WDR49: variants seen among roughly 807,000 people sequenced by gnomAD.
WDR49 encodes WD repeat domain 49, also known as cilia- and flagella-associated protein 337.
A neutral mutation model predicts 119.5 loss-of-function variants in WDR49; 107 were observed. The ratio of observed to expected loss-of-function variants is 0.90; its 90% CI spans 0.77 to 1.05. The LOEUF (loss-of-function observed/expected upper bound fraction) is 1.05, where lower values mean the gene tolerates loss of function less well. Among genes scored for constraint, WDR49 ranks in the 50% least tolerant of loss-of-function variants. The pLI, the probability that WDR49 is intolerant of heterozygous loss-of-function variation, is 0.00. For missense variants in WDR49, 1,240 were observed against 1,220.5 expected (o/e 1.02, Z -0.24); for synonymous variants, 425 against 418.8 (o/e 1.01, Z -0.18).
chr3:167,605,918 A>C (rs1298929999), intron 5 of WDR49, among the ~76,000 whole-genome samples: 17 of 152,200 alleles, frequency 1.1e-4, no homozygotes, highest in Admixed American at 1.1e-3. Context: ...AATATTATAA[A>C]TCGAAGCTTG....
rs199740982 is a variant in WDR49 at position 167,532,857 on chromosome 3, T to A, written c.2053+22A>T. Reference sequence around the variant, plus strand: ...CTGTGATTTGACTAGCCATGTTATTTTCGTTTCAAACTCACACTTACCTAA... The same window carrying A: ...CTGTGATTTGACTAGCCATGTTATTATCGTTTCAAACTCACACTTACCTAA... On this transcript the variant is annotated intron_variant, in intron 12 of 18. Coordinates refer to ENST00000682715, the MANE Select transcript of WDR49 (RefSeq NM_001366157.1). The A allele has an allele frequency of 6.5e-5, 103 of 1,584,360 alleles. No homozygotes were observed. In the East Asian group the frequency reaches 2.3e-3, roughly 35 times the overall value.
intron 16 of WDR49, among the ~76,000 whole-genome samples, chr3:167,520,369 G>T (rs1009968220): frequency 6.6e-6 from 1 of 151,944 alleles, no homozygotes; most frequent in Non-Finnish European, 1.5e-5. Context: ...GCATGTGATG[G>T]AAAGAAAAAA....
intron 12 of WDR49, among the ~76,000 whole-genome samples, chr3:167,531,651 T>A (rs577269262): frequency 1.3e-5 from 2 of 152,176 alleles, no homozygotes; most frequent in African/African-American, 4.8e-5. Flanking sequence ...GGAAATATTA[T>A]AATGAACATG....
At chr3:167,487,456 G>C (rs1750969180) in intron 18 of WDR49, among the ~76,000 whole-genome samples, 1 of 152,068 alleles carries the variant, frequency 6.6e-6, no homozygotes, top group African/African-American at 2.4e-5. Flanking sequence ...TACCCTTCCT[G>C]ACATCAGCCT....
intron 1 of WDR49, 142 bp from the exon 2 acceptor site, chr3:167,653,641 T>A: frequency 2.1e-6 from 1 of 475,170 alleles, no homozygotes; most frequent in South Asian, 5.2e-5. Context: ...ATTCTAGAGT[T>A]TATTTTCAAA....
chr3:167,520,335 T>C (rs933828545), intron 16 of WDR49, among the ~76,000 whole-genome samples: 14 of 152,094 alleles, frequency 9.2e-5, no homozygotes, highest in African/African-American at 3.4e-4. Context: ...CAGGAATCTG[T>C]AATACTTGCC....
chr3:167,496,648 T>C (rs1223809129), intron 18 of WDR49, among the ~76,000 whole-genome samples: 1 of 152,172 alleles, frequency 6.6e-6, no homozygotes, highest in African/African-American at 2.4e-5. Flanking sequence ...CCCACTTCAA[T>C]GTCAAGATCT....
chr3:167,627,119 C>T lies in WDR49; in HGVS notation c.339G>A (p.Glu113=). ...TTGCTCGTTCATCTTGCTCATAAAG[C>T]TCTAGCAGTATAAATGAAGTCAGCT... is the stretch of plus-strand genomic sequence containing the variant. The part of the protein sequence containing the change: ...WDKLTSFILL[E]LYEQDERAKA... Residue 113 remains glutamate (E), a synonymous_variant, in exon 3 of 19, where the codon GAG becomes GAA. Coordinates refer to ENST00000682715, the MANE Select transcript of WDR49 (RefSeq NM_001366157.1). 7.8e-7 allele frequency: 1 copy of T among 1,280,572 alleles called. No individual in the cohort carries two copies. The highest frequency in any genetic ancestry group is 9.9e-7 in the Non-Finnish European group (1 of 1,013,990). The allele number at this position is 1,280,572 out of a possible 1,614,324, so 79.3% of individuals were successfully genotyped here.
At chr3:167,554,302 A>G (rs1577236191) in intron 10 of WDR49, among the ~76,000 whole-genome samples, 1 of 152,288 alleles carries the variant, frequency 6.6e-6, no homozygotes, top group African/African-American at 2.4e-5. Flanking sequence ...TCATGAGAAA[A>G]GAAGTAATGA....
chr3:167,496,867 T>C (rs1214848256), intron 18 of WDR49, among the ~76,000 whole-genome samples: 1 of 152,160 alleles, frequency 6.6e-6, no homozygotes, highest in Non-Finnish European at 1.5e-5. Context: ...GGTGCATCAG[T>C]ACCCCAAACT....
intron 3 of WDR49, among the ~76,000 whole-genome samples, chr3:167,623,601 T>A (rs1442430563): frequency 8.1e-6 from 1 of 122,900 alleles, no homozygotes; most frequent in African/African-American, 3.3e-5. Context: ...ATCATACATA[T>A]CGGTGAAAAA....
At chr3:167,607,831 G>A (rs942504837) in intron 5 of WDR49, among the ~76,000 whole-genome samples, 2 of 152,006 alleles carry the variant, frequency 1.3e-5, no homozygotes, top group Non-Finnish European at 2.9e-5. Flanking sequence ...ATCCCCACGG[G>A]AACAGTATTT....
chr3:167,532,963 C>G lies in WDR49; in HGVS notation c.1969G>C (p.Glu657Gln). ...GTGCTATTGTTCCATAGAACAATTT[C>G]TCCATCATAACTCCCTACACAAGAC... Reference protein sequence around the residue: ...QTLVTGSYDGEIVLWNNSTEN... With the variant: ...QTLVTGSYDGQIVLWNNSTEN... The change falls in exon 12 of 19, where the codon GAA (glutamate) becomes CAA (glutamine). Residue 657 changes from glutamate to glutamine, a missense_variant. By Grantham distance (29) the Glu-to-Gln change is conservative. Coordinates refer to ENST00000682715, the MANE Select transcript of WDR49 (RefSeq NM_001366157.1). 6.2e-7 allele frequency: 1 copy of G among 1,604,900 alleles called. No homozygotes were observed. The highest frequency in any genetic ancestry group is 8.5e-7 in the Non-Finnish European group (1 of 1,173,532).
intron 10 of WDR49, among the ~76,000 whole-genome samples, chr3:167,549,766 C>T (rs534573433): frequency 1.3e-5 from 2 of 152,278 alleles, no homozygotes; most frequent in East Asian, 3.9e-4. Context: ...GAAGTCCTTG[C>T]TCATGCCTAT....
chr3:167,485,904 C>G (rs1384521410), intron 18 of WDR49, among the ~76,000 whole-genome samples: 1 of 151,622 alleles, frequency 6.6e-6, no homozygotes, highest in African/African-American at 2.4e-5. Flanking sequence ...TACAAAGAAC[C>G]CTGGAAAGAT....
At chr3:167,586,267 A>G (rs1714808726) in intron 7 of WDR49, among the ~76,000 whole-genome samples, 2 of 152,180 alleles carry the variant, frequency 1.3e-5, no homozygotes, top group South Asian at 2.1e-4. Context: ...AGAGTTTGAC[A>G]TAGGCTTCAA....
chr3:167,529,265 T>C lies in WDR49; in HGVS notation c.2219-26A>G, dbSNP rs777123760. The C allele has an allele frequency of 1.8e-5, 28 of 1,520,294 alleles. No individual in the cohort carries two copies. In the Admixed American group the frequency reaches 6.5e-4, roughly 36 times the overall value. The allele number at this position is 1,520,294 out of a possible 1,614,324, so 94.2% of individuals were successfully genotyped here. A position where few individuals can be genotyped will look rare whatever the true frequency, so the allele number is the denominator to read the frequency against. ...CTAACATGTAAGGGAAAAATCTAAC[T>C]AGAAAACTGAACAACAAATGCCAGA... is the stretch of plus-strand genomic sequence containing the variant. On this transcript the variant is annotated intron_variant, in intron 13 of 18. Transcript: ENST00000682715.
intron 8 of WDR49, among the ~76,000 whole-genome samples, chr3:167,569,536 T>G (rs1015285727): frequency 2.6e-5 from 4 of 152,074 alleles, no homozygotes; most frequent in Non-Finnish European, 4.4e-5. Flanking sequence ...TATTCATTTT[T>G]AAAAATCCAT....
intron 8 of WDR49, among the ~76,000 whole-genome samples, chr3:167,574,620 G>A (rs1338890036): frequency 6.6e-6 from 1 of 151,702 alleles, no homozygotes; most frequent in Non-Finnish European, 1.5e-5. Context: ...TAAGTGGCAT[G>A]CATGTGAGTT....
Sources: gnomAD v4.1 joint callset for allele counts (sites outside exome capture counted in the v4.1 genomes callset) on GRCh38, gnomAD v4.1.1 for gene constraint, MANE v1.5 for transcripts, NCBI Gene and HGNC (gene_info 2026-07-23, HGNC 2026-07-21) for gene names.